The following NUP214 variants were observed in gnomAD, a reference collection of about 807,000 sequenced individuals.
NUP214 encodes the protein nucleoporin 214.
A neutral mutation model predicts 196.2 loss-of-function variants in NUP214; 79 were observed. The observed-to-expected ratio is 0.40, with a 90% CI of 0.34 to 0.49. The LOEUF is 0.49. NUP214 is among the 20% of genes least tolerant of loss of function. The pLI is 0.58. For synonymous variants in NUP214, 1,020 were observed against 990.5 expected, an observed-to-expected ratio of 1.03 and a Z score of -0.56; for missense variants, 2,468 against 2,539.0, an observed-to-expected ratio of 0.97 and a Z score of 0.60.
chr9:131,161,057 C>T (rs1832616993), intron 18 of NUP214, among the ~76,000 whole-genome samples: 1 of 152,186 alleles, frequency 6.6e-6, no homozygotes, highest in Admixed American at 6.5e-5. Context: ...AACAAGTTAG[C>T]CTTGTAAGAA....
At chr9:131,190,647 T>G (rs1833572422) in intron 26 of NUP214, 2 of 515,112 alleles carry the variant, frequency 3.9e-6, no homozygotes, top group Admixed American at 3.9e-5. Context: ...TTTTTCTGAT[T>G]GTAAAACTAT....
chr9:131,188,888 A>G (rs1386353942), intron 25 of NUP214, among the ~76,000 whole-genome samples, 165 bp from the exon 26 acceptor site: 1 of 152,122 alleles, frequency 6.6e-6, no homozygotes. Flanking sequence ...GTTAACTTAA[A>G]TTGAGACCTT....
intron 17 of NUP214, among the ~76,000 whole-genome samples, chr9:131,155,855 C>T (rs1564188340): frequency 6.6e-6 from 1 of 152,034 alleles, no homozygotes; most frequent in Non-Finnish European, 1.5e-5. Context: ...ATTTTTGTAC[C>T]TGTACCATGG....
chr9:131,151,279 G>A (rs900562066), intron 16 of NUP214, among the ~76,000 whole-genome samples: 3 of 152,192 alleles, frequency 2.0e-5, no homozygotes, highest in African/African-American at 7.2e-5. Context: ...CAACTTTGCT[G>A]TGTCATACAT....
At chr9:131,160,906 C>T (rs770186387) in intron 18 of NUP214, among the ~76,000 whole-genome samples, 3 of 152,046 alleles carry the variant, frequency 2.0e-5, no homozygotes, top group Non-Finnish European at 2.9e-5. Context: ...GCAGTGGGGC[C>T]CCATTAGAGA....
In NUP214 at chr9:131,147,544, C is replaced by T; in HGVS notation, c.2000C>T (p.Pro667Leu). ...GTGCCCTCAATGGTACAGAAATCAC[C>T]CAGGATAACCCCTCCAGCGGCAAAG... is the stretch of plus-strand genomic sequence containing the variant. ...SPVPSMVQKS[P>L]RITPPAAKPG... is the part of the protein sequence containing the mutation. Residue 667 changes from proline to leucine, a missense_variant, in exon 14 of 36, where the codon CCC becomes CTC. Pro to Leu is a moderately conservative substitution (Grantham distance 98, BLOSUM62 -3). This residue lies in a region of NUP214 where 1,801 missense variants were observed against 1,779.4 expected (regional missense o/e 1.01). Transcript: ENST00000359428. 6.2e-7 allele frequency: 1 copy of T among 1,614,024 alleles called. No individual in the cohort carries two copies. Among genetic ancestry groups the T allele is most frequent in the Admixed American group, 1.7e-5 (1 of 60,002 alleles).
At chr9:131,144,137 T>A (rs1832011191) in intron 11 of NUP214, 143 bp from the exon 12 acceptor site, 1 of 674,974 alleles carries the variant, frequency 1.5e-6, no homozygotes, top group African/African-American at 1.8e-5. Context: ...ACATGAACTG[T>A]GTACCCATGT....
intron 5 of NUP214, among the ~76,000 whole-genome samples, chr9:131,132,236 C>T (rs1831576043): frequency 6.6e-6 from 1 of 150,488 alleles, no homozygotes. Context: ...TCTCCTGCCT[C>T]AGCCTCCCGA....
chr9:131,204,643 A>G (rs1007178673), intron 30 of NUP214, among the ~76,000 whole-genome samples: 1 of 152,238 alleles, frequency 6.6e-6, no homozygotes, highest in Non-Finnish European at 1.5e-5. Flanking sequence ...CCTGGAATGC[A>G]TCACAGAGAG....
intron 30 of NUP214, among the ~76,000 whole-genome samples, chr9:131,204,969 G>C (rs1834038298): frequency 6.6e-6 from 1 of 152,158 alleles, no homozygotes; most frequent in African/African-American, 2.4e-5. Context: ...ATGAAAGCCA[G>C]AACTGGCCAC....
Position 131,125,729 on chromosome 9 carries a change from A to T in NUP214, c.25A>T (p.Ile9Phe). 6.4e-7 allele frequency: 1 copy of T among 1,552,526 alleles called. No individual in the cohort carries two copies. Among genetic ancestry groups the T allele is most frequent in the Non-Finnish European group, 8.7e-7 (1 of 1,147,526 alleles). MGDEMDAMIPEREMKDFQF... is the reference protein window; with the variant it reads MGDEMDAMFPEREMKDFQF... ...GATGGGAGACGAGATGGATGCCATGATTCCCGAGCGGGAGATGAAGGTCAG... is the reference window on the plus strand; with the variant it reads ...GATGGGAGACGAGATGGATGCCATGTTTCCCGAGCGGGAGATGAAGGTCAG... Residue 9 changes from isoleucine (I) to phenylalanine (F), a missense_variant, in exon 1 of 36, where the codon ATT becomes TTT. This residue lies in a region of NUP214 where 392 missense variants were observed against 417.9 expected (regional missense o/e 0.94). Coordinates refer to ENST00000359428, the MANE Select transcript of NUP214 (RefSeq NM_005085.4). This position sits in a 1 kb window ranked among gnomAD's most constrained non-coding sequence, Gnocchi z 4.1.
At chr9:131,223,046 G>T (rs1021842943) in intron 32 of NUP214, 116 bp downstream of exon 32, 4 of 862,000 alleles carry the variant, frequency 4.6e-6, no homozygotes, top group Non-Finnish European at 6.8e-6. Context: ...TTGGAGTAAA[G>T]AAGTTAACTG....
chr9:131,219,895 T>A (rs1489181518), intron 31 of NUP214, among the ~76,000 whole-genome samples: 2 of 152,250 alleles, frequency 1.3e-5, no homozygotes, highest in Admixed American at 6.5e-5. Context: ...ATTGAATTCT[T>A]GTTCAATGAC....
intron 21 of NUP214, among the ~76,000 whole-genome samples, chr9:131,172,508 T>C (rs896234339): frequency 1.3e-5 from 2 of 152,238 alleles, no homozygotes; most frequent in Non-Finnish European, 2.9e-5. Flanking sequence ...GTAGGTTGCC[T>C]GTTCACTCTG....
At chr9:131,177,679 C>T (rs904475165) in intron 23 of NUP214, among the ~76,000 whole-genome samples, 7 of 152,046 alleles carry the variant, frequency 4.6e-5, no homozygotes, top group Non-Finnish European at 1.0e-4. Context: ...TCCTTAATTG[C>T]TAATTATAGA....
chr9:131,148,783 TACAC>T (rs200932935), intron 14 of NUP214, among the ~76,000 whole-genome samples: 4 of 151,934 alleles, frequency 2.6e-5, no homozygotes, highest in South Asian at 2.1e-4. Flanking sequence ...GTTCCTTGAA[TACAC>T]ACACACACGC....
At chr9:131,135,272 GTTTTTGT>G (rs1303673272) in intron 8 of NUP214, 1 of 377,224 alleles carries the variant, frequency 2.7e-6, no homozygotes, top group Non-Finnish European at 4.7e-6. Context: ...AAGTTTTTTG[GTTTTTGT>G]TTTTTGTTTT....
In NUP214 at chr9:131,163,781, G is replaced by C. The variant is rs577420938; in HGVS notation, c.2724-89G>C. The C allele has an allele frequency of 2.6e-5, 22 of 856,920 alleles. No individual in the cohort carries two copies. In the East Asian group the frequency reaches 4.3e-4, roughly 17 times the overall value. 53.1% of individuals were successfully genotyped at this position (856,920 alleles called of 1,614,324 possible). ...TATATTGGGGATATTCTCATGTCTT[G>C]CATTTATATTTAAGAGGATAGTGTA... On this transcript the variant is annotated intron_variant, in intron 19 of 35. Coordinates refer to ENST00000359428, the MANE Select transcript of NUP214 (RefSeq NM_005085.4).
chr9:131,137,743 T>G (rs7852314), intron 9 of NUP214, among the ~76,000 whole-genome samples: 37,856 of 151,710 alleles, frequency 0.25, 4,821 homozygotes, highest in East Asian at 0.42. Context: ...TAGAGACAGG[T>G]TTTTGCCTTG....
Sources: allele counts gnomAD v4.1 joint callset (sites outside exome capture counted in the v4.1 genomes callset), GRCh38; gene constraint gnomAD v4.1.1; regional missense constraint gnomAD v4.1.1; non-coding constraint Gnocchi (gnomAD v3.1); transcripts MANE v1.5; gene names NCBI Gene and HGNC (gene_info 2026-07-23, HGNC 2026-07-21).